The following BANP variants were observed in gnomAD, a reference collection of about 807,000 sequenced individuals.
BANP encodes the protein BTG3 associated nuclear protein.
Under a neutral mutation model 68.1 loss-of-function variants are expected in BANP, and 11 were observed. The observed-to-expected ratio is 0.16, with a 90% CI of 0.10 to 0.27. BANP has a LOEUF of 0.27. Among genes scored for constraint, BANP ranks in the 10% least tolerant of loss-of-function variants. The pLI, the probability that BANP is intolerant of heterozygous loss-of-function variation, is 1.00. For missense variants in BANP, 504 were observed against 722.7 expected (o/e 0.70, Z 3.47); for synonymous variants, 329 against 303.2 (o/e 1.09, Z -0.88).
At chr16:88,033,968 C>T (rs1358278875) in intron 9 of BANP, among the ~76,000 whole-genome samples, 10 of 152,312 alleles carry the variant, frequency 6.6e-5, no homozygotes, top group Middle Eastern at 3.4e-3. Flanking sequence ...CACTAGACCT[C>T]GCCTATGTTT....
At chr16:87,978,618 A>G (rs756038126) in intron 2 of BANP, 12 of 470,126 alleles carry the variant, frequency 2.6e-5, no homozygotes, top group Non-Finnish European at 4.4e-5. Context: ...AGGAGTCATG[A>G]GGCCGAAGGC....
At chr16:88,032,355 C>T (rs1248711356) in intron 8 of BANP, among the ~76,000 whole-genome samples, 1 of 152,092 alleles carries the variant, frequency 6.6e-6, no homozygotes, top group East Asian at 1.9e-4. Context: ...ACCCCCACCA[C>T]CACGCCTGTC....
intron 9 of BANP, among the ~76,000 whole-genome samples, chr16:88,033,639 A>C (rs1174850549): frequency 1.3e-5 from 2 of 152,130 alleles, no homozygotes; most frequent in South Asian, 2.1e-4. Context: ...GGGAAAGAGT[A>C]ATTTCCTTCT....
intron 1 of BANP, among the ~76,000 whole-genome samples, chr16:87,958,242 ATTAT>A (rs1361048294): frequency 6.6e-6 from 1 of 152,136 alleles, no homozygotes; most frequent in African/African-American, 2.4e-5. Flanking sequence ...TTTTGAGTGC[ATTAT>A]TTTTCAAACT....
intron 13 of BANP, among the ~76,000 whole-genome samples, chr16:88,072,652 G>A (rs1461065807): frequency 6.6e-6 from 1 of 152,270 alleles, no homozygotes; most frequent in African/African-American, 2.4e-5. Context: ...CAGGGCTGCT[G>A]TGCTCTGTGG....
At chr16:88,062,714 T>G (rs1255781236) in intron 11 of BANP, among the ~76,000 whole-genome samples, 1 of 152,182 alleles carries the variant, frequency 6.6e-6, no homozygotes, top group East Asian at 1.9e-4. Context: ...CAGAGCTGGT[T>G]TGGAAATGCC....
chr16:88,054,689 C>G (rs1304551561), intron 11 of BANP, among the ~76,000 whole-genome samples: 1 of 152,226 alleles, frequency 6.6e-6, no homozygotes, highest in African/African-American at 2.4e-5. Flanking sequence ...TCACCCTCTT[C>G]CTGTCGAGAC....
At chr16:87,969,556 A>G (rs998597837) in intron 1 of BANP, among the ~76,000 whole-genome samples, 6 of 146,046 alleles carry the variant, frequency 4.1e-5, no homozygotes, top group African/African-American at 1.3e-4. Flanking sequence ...TTTTTGAGAC[A>G]GAGTCTCCCC....
chr16:87,987,568 A>T (rs912815013), intron 4 of BANP, among the ~76,000 whole-genome samples: 1 of 151,838 alleles, frequency 6.6e-6, no homozygotes. Flanking sequence ...GCACAAAAAA[A>T]TAAAAAAAAT....
intron 11 of BANP, among the ~76,000 whole-genome samples, chr16:88,045,929 A>C (rs376996585): frequency 1.2e-3 from 185 of 152,330 alleles, no homozygotes; most frequent in African/African-American, 4.2e-3. Flanking sequence ...GCACCTGCTC[A>C]GGAAGTTGGT....
upstream of BANP, among the ~76,000 whole-genome samples, chr16:87,950,157 G>A (rs964909969): frequency 2.4e-4 from 37 of 152,224 alleles, no homozygotes; most frequent in African/African-American, 8.7e-4. Flanking sequence ...GATTACAGGC[G>A]TGAGCCGCCG....
In BANP at chr16:88,071,314, C is replaced by T. The variant is rs2090255540; in HGVS notation, c.1378-755C>T. The T allele has an allele frequency of 5.4e-6, 2 of 370,312 alleles. No homozygotes were observed. The highest frequency in any genetic ancestry group is 7.3e-5 in the East Asian group (1 of 13,688). The allele number at this position is 370,312 out of a possible 1,614,324, so 22.9% of individuals were successfully genotyped here. On this transcript the variant is annotated intron_variant, in intron 12 of 13. Coordinates refer to ENST00000682872, the MANE Select transcript of BANP (RefSeq NM_001386991.1). This position sits in a 1 kb window ranked among gnomAD's most constrained non-coding sequence, Gnocchi z 6.5. The stretch of plus-strand genomic sequence containing the variant: ...CTGCCCACCCGCCTGCCTGGGCCGT[C>T]TTGACACCGGAGCTGCCTGCCTGGA...
At chr16:88,075,341 G>A (rs575050282) in intron 13 of BANP, among the ~76,000 whole-genome samples, 6 of 152,222 alleles carry the variant, frequency 3.9e-5, no homozygotes, top group Non-Finnish European at 7.4e-5. Context: ...GTGAGACTCC[G>A]TCTCAAAAAA....
intron 1 of BANP, among the ~76,000 whole-genome samples, chr16:87,966,463 A>G (rs1399629929): frequency 6.6e-6 from 1 of 152,162 alleles, no homozygotes; most frequent in Non-Finnish European, 1.5e-5. Context: ...GCTGTGTTCC[A>G]GTTTTCTTGG....
chr16:88,040,283 C>T (rs567882560), intron 11 of BANP, among the ~76,000 whole-genome samples: 1 of 150,778 alleles, frequency 6.6e-6, no homozygotes, highest in Non-Finnish European at 1.5e-5. Flanking sequence ...CATCATTTGG[C>T]CAGTTCTCAT....
At chr16:87,996,551 G>A (rs1446602980) in intron 4 of BANP, among the ~76,000 whole-genome samples, 1 of 138,230 alleles carries the variant, frequency 7.2e-6, no homozygotes, top group East Asian at 2.1e-4. Flanking sequence ...GGTCCTGGGC[G>A]CCGGCTGGGC....
chr16:88,029,338 T>A (rs528725968), intron 8 of BANP, among the ~76,000 whole-genome samples: 2 of 139,712 alleles, frequency 1.4e-5, no homozygotes, highest in African/African-American at 2.7e-5. Context: ...AGCCGGGTGC[T>A]GTGGCTCACG....
intron 2 of BANP, 108 bp downstream of exon 2, chr16:87,975,293 T>C: frequency 9.1e-7 from 1 of 1,098,762 alleles, no homozygotes; most frequent in South Asian, 1.3e-5. Flanking sequence ...AAGTAATGCA[T>C]GCTGCGTATG....
chr16:88,037,914 T>C, intron 10 of BANP, 59 bp from the exon 11 acceptor site: 1 of 1,541,060 alleles, frequency 6.5e-7, no homozygotes, highest in Non-Finnish European at 9.0e-7. Context: ...GTTTGCCGTG[T>C]CTGAGGGTGT....
Sources: allele counts gnomAD v4.1 joint callset (sites outside exome capture counted in the v4.1 genomes callset), GRCh38; gene constraint gnomAD v4.1.1; non-coding constraint Gnocchi (gnomAD v3.1); transcripts MANE v1.5; gene names NCBI Gene and HGNC (gene_info 2026-07-23, HGNC 2026-07-21).